The following RNF138 variants were observed in gnomAD, a reference collection of about 807,000 sequenced individuals.
RNF138 encodes the protein E3 ubiquitin-protein ligase RNF138.
Under a neutral mutation model 31.0 loss-of-function variants are expected in RNF138, and 12 were observed. That is an observed-to-expected ratio of 0.39 (90% CI 0.25 to 0.63). The LOEUF (loss-of-function observed/expected upper bound fraction) is 0.63. Ranked by LOEUF, RNF138 falls within the 20% of genes least tolerant of loss-of-function variation. The pLI, the probability that RNF138 is intolerant of heterozygous loss-of-function variation, is 0.52. For synonymous variants in RNF138, 105 were observed against 99.5 expected (o/e 1.06, Z -0.33); for missense variants, 192 against 300.1 (o/e 0.64, Z 2.66).
At chr18:32,099,795 A>G (rs1031293284) in intron 2 of RNF138, among the ~76,000 whole-genome samples, 7 of 152,262 alleles carry the variant, frequency 4.6e-5, no homozygotes, top group African/African-American at 1.4e-4. Flanking sequence ...TTAGGCTGCA[A>G]GCTTTATAAA....
intron 4 of RNF138, among the ~76,000 whole-genome samples, chr18:32,119,473 G>C (rs2040269462): frequency 6.6e-6 from 1 of 151,902 alleles, no homozygotes; most frequent in Non-Finnish European, 1.5e-5. Flanking sequence ...CTCTCAGGCT[G>C]GAGTGCAATG....
rs1355045969 is a variant in RNF138, at chr18:32,131,307, C to CA, written c.*2120_*2121insA. ...AAAATGATTGTTTAAAATTTCCCCT[C>CA]TTTTTGTCAGTGCATTGGGAATAGG... On this transcript the variant is annotated 3_prime_UTR_variant, in exon 8 of 8. Transcript: ENST00000261593. 3 of 136,092 alleles carry CA rather than the reference C, an allele frequency of 2.2e-5. No homozygotes were observed. The Admixed American group carries it at 2.2e-4, about 10-fold the overall frequency. 8.4% of individuals were successfully genotyped at this position (136,092 alleles called of 1,614,324 possible).
chr18:32,131,029 A>T lies in RNF138; in HGVS notation c.*1842A>T, dbSNP rs990069803. ...AACCATTCTGGGATTTGCAAAGTTT[A>T]ATACATCCAATATGTCAAGTTAAAC... is the stretch of plus-strand genomic sequence containing the variant. On this transcript the variant is annotated 3_prime_UTR_variant, in exon 8 of 8. Coordinates refer to ENST00000261593, the MANE Select transcript of RNF138 (RefSeq NM_016271.5). 6.6e-6 allele frequency: 1 copy of T among 151,266 alleles called. No individual in the cohort carries two copies. Among genetic ancestry groups the T allele is most frequent in the Non-Finnish European group, 1.5e-5 (1 of 67,612 alleles). 9.4% of individuals were successfully genotyped at this position (151,266 alleles called of 1,614,324 possible).
chr18:32,100,724 C>T (rs2039920766), intron 2 of RNF138, among the ~76,000 whole-genome samples: 2 of 152,122 alleles, frequency 1.3e-5, no homozygotes, highest in Non-Finnish European at 2.9e-5. Context: ...GATCCACCCA[C>T]CTCGGCCTAC....
intron 2 of RNF138, among the ~76,000 whole-genome samples, chr18:32,099,829 A>G (rs1183116459): frequency 6.6e-6 from 1 of 152,242 alleles, no homozygotes; most frequent in Non-Finnish European, 1.5e-5. Flanking sequence ...ATCTCCTGTT[A>G]CTTACTTAAG....
chr18:32,110,033 C>G (rs2040101051), intron 2 of RNF138, among the ~76,000 whole-genome samples: 2 of 152,296 alleles, frequency 1.3e-5, no homozygotes, highest in African/African-American at 4.8e-5. Flanking sequence ...GTCACCCAGG[C>G]TGGAATGCAG....
At chr18:32,117,128 C>T (rs536040080) in intron 4 of RNF138, among the ~76,000 whole-genome samples, 1 of 152,114 alleles carries the variant, frequency 6.6e-6, no homozygotes, top group South Asian at 2.1e-4. Context: ...TCTCGAACTC[C>T]TGACCTCAGG....
At chr18:32,092,367 G>C (rs1005272621) in intron 1 of RNF138, 132 bp downstream of exon 1, 1 of 171,064 alleles carries the variant, frequency 5.8e-6, no homozygotes, top group African/African-American at 2.4e-5. Flanking sequence ...GCAGTGAAAA[G>C]GGAGGCCTTG....
intron 4 of RNF138, among the ~76,000 whole-genome samples, chr18:32,115,466 T>A (rs1203860515): frequency 6.6e-6 from 1 of 152,158 alleles, no homozygotes; most frequent in Non-Finnish European, 1.5e-5. Context: ...AAATTCTGGC[T>A]GGGCGCGGTG....
rs1246359615 is a variant in RNF138, at chr18:32,092,950, G to C, written c.110+64G>C. The C allele has an allele frequency of 1.5e-5, 14 of 959,360 alleles. 1 individual carries two copies. The highest frequency in any genetic ancestry group is 2.0e-5 in the Non-Finnish European group (14 of 688,762). 59.4% of individuals were successfully genotyped at this position (959,360 alleles called of 1,614,324 possible). A position where few individuals can be genotyped will look rare whatever the true frequency, so the allele number is the denominator to read the frequency against. On this transcript the variant is annotated intron_variant, in intron 2 of 7. Transcript: ENST00000261593. Reference sequence around the variant, plus strand: ...TCGCTTAGGCCCGGCCTCCGGCCCGGGACCCCGGGCTGCCGCCTGGCGGGA... The same window carrying C: ...TCGCTTAGGCCCGGCCTCCGGCCCGCGACCCCGGGCTGCCGCCTGGCGGGA...
intron 2 of RNF138, among the ~76,000 whole-genome samples, chr18:32,105,481 T>G (rs1343641086): frequency 6.6e-6 from 1 of 152,238 alleles, no homozygotes; most frequent in East Asian, 1.9e-4. Flanking sequence ...ACTTTTTATC[T>G]TTGATAGACG....
At chr18:32,097,058 A>G (rs1598843551) in intron 2 of RNF138, among the ~76,000 whole-genome samples, 1 of 151,138 alleles carries the variant, frequency 6.6e-6, no homozygotes, top group East Asian at 1.9e-4. Flanking sequence ...AAACATGTTA[A>G]GACAAATTAA....
intron 1 of RNF138, 139 bp downstream of exon 1, chr18:32,092,374 C>G (rs961196047): frequency 6.7e-5 from 12 of 178,420 alleles, no homozygotes; most frequent in Non-Finnish European, 1.3e-4. Context: ...AAAGGGAGGC[C>G]TTGGGCGAAG....
At chr18:32,097,686 TG>T (rs1033242510) in intron 2 of RNF138, among the ~76,000 whole-genome samples, 14 of 151,940 alleles carry the variant, frequency 9.2e-5, no homozygotes, top group African/African-American at 3.4e-4. Flanking sequence ...TTTTGTTTTT[TG>T]TTTTTTTGTA....
chr18:32,123,630 TCAAATAGCTTTTTAAATTAAAC>T, intron 5 of RNF138, 56 bp downstream of exon 5: 1 of 1,066,598 alleles, frequency 9.4e-7, no homozygotes, highest in Non-Finnish European at 1.4e-6. Flanking sequence ...TTATCACTTA[TCAAATAGCTTTTTAAATTAAAC>T]TTTTTTTTTT....
intron 2 of RNF138, among the ~76,000 whole-genome samples, chr18:32,097,968 GTGTGTGTGT>G (rs1446244313): frequency 0.05 from 4,337 of 86,966 alleles, 197 homozygotes; most frequent in African/African-American, 0.14. Context: ...GTGTGTGTGT[GTGTGTGTGT>G]TATTTTTGTT....
At chr18:32,092,604 C>T (rs1208149812) in intron 1 of RNF138, 96 bp from the exon 2 acceptor site, 2 of 593,566 alleles carry the variant, frequency 3.4e-6, no homozygotes, top group Admixed American at 2.7e-5. Flanking sequence ...GCAGTAGCGT[C>T]TCTGCGTTCG....
At chr18:32,092,545 C>T in intron 1 of RNF138, 155 bp from the exon 2 acceptor site, 1 of 528,578 alleles carries the variant, frequency 1.9e-6, no homozygotes, top group Non-Finnish European at 3.4e-6. Context: ...CCATCCAGCC[C>T]CCTGTGGGAG....
intron 2 of RNF138, among the ~76,000 whole-genome samples, chr18:32,100,201 GATAT>G (rs34225221): frequency 6.8e-6 from 1 of 146,590 alleles, no homozygotes; most frequent in African/African-American, 2.5e-5. Context: ...TAGTGATTGA[GATAT>G]ATATATATAT....
Sources: allele counts gnomAD v4.1 joint callset (sites outside exome capture counted in the v4.1 genomes callset), GRCh38; gene constraint gnomAD v4.1.1; transcripts MANE v1.5; gene names NCBI Gene and HGNC (gene_info 2026-07-23, HGNC 2026-07-21).